The following LAMA5 variants were observed in gnomAD, a reference collection of about 807,000 sequenced individuals.
LAMA5 encodes laminin subunit alpha-5.
In LAMA5, 260 loss-of-function variants were observed where a neutral mutation model predicts 433.4. The observed-to-expected ratio is 0.60, with a 90% confidence interval of 0.54 to 0.66. The LOEUF (loss-of-function observed/expected upper bound fraction) is 0.66. LAMA5 is among the 30% of genes least tolerant of loss of function. LAMA5 has a pLI of 0.00. For missense variants in LAMA5, 5,378 were observed against 5,258.5 expected, an observed-to-expected ratio of 1.02 and a Z score of -0.70; for synonymous variants, 2,620 against 2,226.6, an observed-to-expected ratio of 1.18 and a Z score of -4.97.
rs1985647995 is a variant in LAMA5 at position 62,359,029 on chromosome 20, C to G, written c.450+3371G>C. 6.6e-6 allele frequency among the ~76,000 whole-genome samples: 1 copy of G among 152,088 alleles called. No homozygotes were observed. The highest frequency in any genetic ancestry group is 1.5e-5 in the Non-Finnish European group (1 of 67,984). On this transcript the variant is annotated intron_variant, in intron 2 of 79. Coordinates refer to ENST00000252999, the MANE Select transcript of LAMA5 (RefSeq NM_005560.6). The surrounding 1 kb of genome is among the most constrained non-coding windows in gnomAD (Gnocchi z 4.3). ...TATACCCTGCCAGCCCCAGTTCCCCCACACCTTGACCCCCACCTGGGCCTC... is the reference window on the plus strand; with the variant it reads ...TATACCCTGCCAGCCCCAGTTCCCCGACACCTTGACCCCCACCTGGGCCTC...
intron 75 of LAMA5, 43 bp downstream of exon 75, chr20:62,310,622 A>C: frequency 6.3e-7 from 1 of 1,588,358 alleles, no homozygotes; most frequent in African/African-American, 1.3e-5. Flanking sequence ...GCTGAAAGGG[A>C]ACAGTGGGTG....
Position 62,310,147 on chromosome 20 carries a change from T to C in LAMA5, c.10734+31A>G, listed in dbSNP as rs1986065199. 5 of 1,611,850 alleles carry C rather than the reference T, an allele frequency of 3.1e-6. No individual in the cohort carries two copies. In the East Asian group the frequency reaches 1.1e-4, roughly 36 times the overall value. ...GTCACCAGAATGGGGAGGCAAACCC[T>C]GCCCTGGCACGCCACCTCTGCCAGG... On this transcript the variant is annotated intron_variant, in intron 77 of 79. Transcript: ENST00000252999.
rs760127032 is a variant in LAMA5, at chr20:62,316,865, G to A, written c.7653+17C>T. On this transcript the variant is annotated intron_variant, in intron 56 of 79. Transcript: ENST00000252999. ...GGGGCGCTCCTGCTGGGGCTGAGGGGAAGTGAGGGGCCTCACCGCCCACGT... is the reference window on the plus strand; with the variant it reads ...GGGGCGCTCCTGCTGGGGCTGAGGGAAAGTGAGGGGCCTCACCGCCCACGT... 8 of 1,532,280 alleles carry A rather than the reference G, an allele frequency of 5.2e-6. No individual in the cohort carries two copies. Among genetic ancestry groups the A allele is most frequent in the African/African-American group, 2.7e-5 (2 of 73,440 alleles). 94.9% of individuals were successfully genotyped at this position (1,532,280 alleles called of 1,614,324 possible). A position where few individuals can be genotyped will look rare whatever the true frequency, so the allele number is the denominator to read the frequency against.
intron 9 of LAMA5, 39 bp downstream of exon 9, chr20:62,346,467 C>T: frequency 6.5e-7 from 1 of 1,535,106 alleles, no homozygotes; most frequent in Non-Finnish European, 8.8e-7. Context: ...CCAGGCAGAC[C>T]CTGAGACCCA....
intron 10 of LAMA5, 88 bp downstream of exon 10, chr20:62,345,993 C>T (rs1983299843): frequency 1.9e-6 from 3 of 1,585,602 alleles, no homozygotes; most frequent in East Asian, 2.2e-5. Flanking sequence ...TAACATGGTC[C>T]ATCCCGGGGA....
Position 62,334,561 on chromosome 20 carries a change from C to T in LAMA5, c.2543G>A (p.Cys848Tyr). The T allele has an allele frequency of 6.5e-7, 1 of 1,548,586 alleles. No individual in the cohort carries two copies. Among genetic ancestry groups the T allele is most frequent in the South Asian group, 1.2e-5 (1 of 84,038 alleles). ...GCCCTGGGTGTTGGGGCGGCACCGGCAGACGCCCGTCCTCGGTTCACAGCT... is the reference window on the plus strand; with the variant it reads ...GCCCTGGGTGTTGGGGCGGCACCGGTAGACGCCCGTCCTCGGTTCACAGCT... ...GQSCEPRTGVCRCRPNTQGPT... is the reference protein window; with the variant it reads ...GQSCEPRTGVYRCRPNTQGPT... Residue 848 changes from cysteine (C) to tyrosine (Y), a missense_variant, in exon 21 of 80, where the codon TGC becomes TAC. By Grantham distance (194) the Cys-to-Tyr change is radical. Transcript: ENST00000252999.
At position 62,330,819 on chromosome 20, in the gene LAMA5, G is replaced by T. The variant is rs1222598661; in HGVS notation, c.3776C>A (p.Ser1259Tyr). 1 of 1,551,746 alleles carries T rather than the reference G, an allele frequency of 6.4e-7. No homozygotes were observed. The highest frequency in any genetic ancestry group is 2.4e-5 in the East Asian group (1 of 41,410). ...GGGCCGAGGTCGGGGTCCAGCTGGG[G>T]ACATGGCTGGAGTGAGATCCTGCGC... ...THAQDLTPAM[S>Y]PAGPRPRPPT... Residue 1259 changes from serine (S) to tyrosine (Y), a missense_variant, in exon 30 of 80, where the codon TCC (serine) becomes TAC (tyrosine). Ser to Tyr is a moderately radical substitution (Grantham distance 144, BLOSUM62 -2). Transcript: ENST00000252999.
Position 62,359,798 on chromosome 20 carries a change from G to A in LAMA5, c.450+2602C>T, listed in dbSNP as rs1231412506. Among the ~76,000 whole-genome samples, 1 of 152,014 alleles carries A rather than the reference G, an allele frequency of 6.6e-6. No homozygotes were observed. Among genetic ancestry groups the A allele is most frequent in the Non-Finnish European group, 1.5e-5 (1 of 67,978 alleles). Reference sequence around the variant, plus strand: ...CAGCTGCTTCTGGGTGGACACCACAGGGACTAGTCTCCCCTCCCCTGCGCC... The same window carrying A: ...CAGCTGCTTCTGGGTGGACACCACAAGGACTAGTCTCCCCTCCCCTGCGCC... On this transcript the variant is annotated intron_variant, in intron 2 of 79. Transcript: ENST00000252999. The surrounding 1 kb of genome is among the most constrained non-coding windows in gnomAD (Gnocchi z 4.3).
chr20:62,315,339 C>A (rs1294011198), intron 58 of LAMA5, 132 bp from the exon 59 acceptor site: 5 of 743,252 alleles, frequency 6.7e-6, no homozygotes, highest in Non-Finnish European at 1.1e-5. Flanking sequence ...CCTCACACCC[C>A]GCTGCTCAGT....
chr20:62,313,398 C>A lies in LAMA5; in HGVS notation c.8721G>T (p.Glu2907Asp). The A allele has an allele frequency of 6.2e-7, 1 of 1,608,310 alleles. No homozygotes were observed. Among genetic ancestry groups the A allele is most frequent in the Non-Finnish European group, 8.5e-7 (1 of 1,178,206 alleles). The change falls in exon 64 of 80, where the codon GAG becomes GAT. Residue 2907 changes from glutamate (E) to aspartate (D), a missense_variant. Transcript: ENST00000252999. The stretch of plus-strand genomic sequence containing the variant: ...CGAAGTTGTAGAGGCTGACCACCTC[C>A]TCATTCAGCGTGTCCATCTCGATGC... The part of the protein sequence containing the change: ...RGCIEMDTLN[E>D]EVVSLYNFER...
Position 62,324,325 on chromosome 20 carries a change from C to T in LAMA5, c.5643+116G>A, listed in dbSNP as rs534356497. The T allele has an allele frequency of 3.0e-5, 43 of 1,438,998 alleles. No individual in the cohort carries two copies. In the African/African-American group the frequency reaches 5.6e-4, roughly 19 times the overall value. 89.1% of individuals were successfully genotyped at this position (1,438,998 alleles called of 1,614,324 possible). A position where few individuals can be genotyped will look rare whatever the true frequency, so the allele number is the denominator to read the frequency against. On this transcript the variant is annotated intron_variant, in intron 42 of 79. Coordinates refer to ENST00000252999, the MANE Select transcript of LAMA5 (RefSeq NM_005560.6). The surrounding 1 kb of genome is among the most constrained non-coding windows in gnomAD (Gnocchi z 4.4). ...CAAGGCCAGATGGTCCCCCACTGGG[C>T]AACACCCTTCCCCAGACCTCAGTTG...
intron 10 of LAMA5, 69 bp from the exon 11 acceptor site, chr20:62,345,946 C>T: frequency 6.4e-7 from 1 of 1,562,710 alleles, no homozygotes; most frequent in South Asian, 1.2e-5. Flanking sequence ...CCCCTGCCAC[C>T]CTTGGTCTCT....
chr20:62,349,476 T>G (rs1338719696), intron 6 of LAMA5, among the ~76,000 whole-genome samples: 1 of 150,996 alleles, frequency 6.6e-6, no homozygotes. Flanking sequence ...GTCAAATCAT[T>G]TCTCCAAAGT....
intron 47 of LAMA5, 35 bp from the exon 48 acceptor site, chr20:62,322,203 T>C (rs1161178722): frequency 3.8e-6 from 6 of 1,570,186 alleles, no homozygotes; most frequent in Non-Finnish European, 4.3e-6. Flanking sequence ...ATGGCTGGCC[T>C]GGGACCTTGG....
Position 62,311,093 on chromosome 20 carries a change from G to C in LAMA5, c.10090C>G (p.Pro3364Ala), listed in dbSNP as rs200286650. ...VGILARHRNW[P>A]SLSMHVLPRS... Reference sequence around the variant, plus strand: ...GGGAGGACGTGCATGGAGAGACTGGGCCTGGAAGCGGAGCTGGCGTCAGCC... The same window carrying C: ...GGGAGGACGTGCATGGAGAGACTGGCCCTGGAAGCGGAGCTGGCGTCAGCC... Residue 3364 changes from proline (P) to alanine (A), a missense_variant and splice_region_variant, in exon 74 of 80, where the codon CCC becomes GCC. By Grantham distance (27) the Pro-to-Ala change is conservative. Coordinates refer to ENST00000252999, the MANE Select transcript of LAMA5 (RefSeq NM_005560.6). 171 of 1,573,944 alleles carry C rather than the reference G, an allele frequency of 1.1e-4. No homozygotes were observed. The highest frequency in any genetic ancestry group is 5.1e-4 in the Middle Eastern group (3 of 5,852).
intron 1 of LAMA5, among the ~76,000 whole-genome samples, chr20:62,363,760 C>A (rs1986418506): frequency 6.6e-6 from 1 of 152,092 alleles, no homozygotes; most frequent in Non-Finnish European, 1.5e-5. Context: ...GAGGCAGGAG[C>A]TGGGGAGATG....
At chr20:62,363,556 A>G (rs1028937929) in intron 1 of LAMA5, among the ~76,000 whole-genome samples, 12 of 152,080 alleles carry the variant, frequency 7.9e-5, no homozygotes, top group Non-Finnish European at 1.5e-4. Context: ...AGGGATGAGG[A>G]GAGGGGGCAG....
At position 62,317,380 on chromosome 20, in the gene LAMA5, T is replaced by G. The variant is rs1418102155; in HGVS notation, c.7476A>C (p.Ala2492=). ...LRLVEAAEAH[A]QQLGQLALNL... is the part of the protein sequence containing the mutation. ...TGAGTGCCAGCTGGCCCAGCTGCTG[T>G]GCGTGGGCCTCGGCGGCCTCCACTA... is the stretch of plus-strand genomic sequence containing the variant. Residue 2492 remains alanine, a synonymous_variant, in exon 55 of 80, where the codon GCA becomes GCC. Coordinates refer to ENST00000252999, the MANE Select transcript of LAMA5 (RefSeq NM_005560.6). 1 of 1,609,674 alleles carries G rather than the reference T, an allele frequency of 6.2e-7. No individual in the cohort carries two copies. The highest frequency in any genetic ancestry group is 8.5e-7 in the Non-Finnish European group (1 of 1,179,206).
chr20:62,333,852 G>C (rs144702396), intron 23 of LAMA5, 49 bp downstream of exon 23: 985 of 1,433,352 alleles, frequency 6.9e-4, no homozygotes, highest in Non-Finnish European at 8.1e-4. Flanking sequence ...GTGGGGTGGG[G>C]TGGGCTGGGC....
Sources: allele counts gnomAD v4.1 joint callset (sites outside exome capture counted in the v4.1 genomes callset), GRCh38; gene constraint gnomAD v4.1.1; non-coding constraint Gnocchi (gnomAD v3.1); transcripts MANE v1.5; gene names NCBI Gene and HGNC (gene_info 2026-07-23, HGNC 2026-07-21).